Variants in TMEM132D observed in about 807,000 individuals in gnomAD.
TMEM132D encodes mature OL transmembrane protein.
Under a neutral mutation model 62.3 loss-of-function variants are expected in TMEM132D, and 21 were observed. That is an observed-to-expected ratio of 0.34 (90% CI 0.24 to 0.49). TMEM132D has a LOEUF of 0.49. Ranked by LOEUF, TMEM132D falls within the 20% of genes least tolerant of loss-of-function variation. The pLI, the probability that TMEM132D is intolerant of heterozygous loss-of-function variation, is 0.99. For synonymous variants in TMEM132D, 621 were observed against 575.6 expected (o/e 1.08, Z -1.13); for missense variants, 1,346 against 1,402.8 (o/e 0.96, Z 0.65).
rs558597625 is a variant in TMEM132D, at chr12:129,474,304, G to A, written c.1115+56755C>T. ...ATATTTATCAATTTATTGAGTGCTT[G>A]CTCTGGGCCATGTACAATGGCACCC... On this transcript the variant is annotated intron_variant, in intron 3 of 8. Transcript: ENST00000422113. Among the ~76,000 whole-genome samples the A allele has an allele frequency of 1.4e-4, 22 of 152,294 alleles. No homozygotes were observed. In the South Asian group the frequency reaches 4.4e-3, roughly 30 times the overall value.
At chr12:129,275,654 G>A (rs1880983762) in intron 4 of TMEM132D, among the ~76,000 whole-genome samples, 1 of 152,228 alleles carries the variant, frequency 6.6e-6, no homozygotes, top group Non-Finnish European at 1.5e-5. Context: ...AGGGCCGCCT[G>A]CATTCCATGT....
At chr12:129,753,984 G>A (rs1870082722) in intron 1 of TMEM132D, among the ~76,000 whole-genome samples, 1 of 152,164 alleles carries the variant, frequency 6.6e-6, no homozygotes, top group South Asian at 2.1e-4. Flanking sequence ...GCATAGGTGT[G>A]AAGAATAAAC....
intron 3 of TMEM132D, among the ~76,000 whole-genome samples, chr12:129,474,686 G>A (rs1281670784): frequency 6.6e-6 from 1 of 152,158 alleles, no homozygotes; most frequent in Non-Finnish European, 1.5e-5. Context: ...TAACTTATAG[G>A]CTACAGCGTG....
At chr12:129,598,047 A>AAACAAC (rs567539460) in intron 2 of TMEM132D, among the ~76,000 whole-genome samples, 1 of 152,108 alleles carries the variant, frequency 6.6e-6, no homozygotes, top group Non-Finnish European at 1.5e-5. Context: ...ATACTTGCAA[A>AAACAAC]AACAACAACA....
rs79787053 is a variant in TMEM132D, at chr12:129,453,744, T to C, written c.1115+77315A>G. ...TGTTTGCTCCCTAACAGTTTTAGAG[T>C]TGATTCTCATTGTCTCTCCTTGACT... On this transcript the variant is annotated intron_variant, in intron 3 of 8. Coordinates refer to ENST00000422113, the MANE Select transcript of TMEM132D (RefSeq NM_133448.3). Among the ~76,000 whole-genome samples, 3,358 of 152,216 alleles carry C rather than the reference T, an allele frequency of 0.022. 304 individuals are homozygous for C. The East Asian group carries it at 0.3, about 13-fold the overall frequency.
chr12:129,108,646 T>C (rs911938344), intron 5 of TMEM132D, among the ~76,000 whole-genome samples: 1 of 152,150 alleles, frequency 6.6e-6, no homozygotes, highest in African/African-American at 2.4e-5. Flanking sequence ...GGGGAAGCAC[T>C]CCCTGGCTCT....
intron 5 of TMEM132D, among the ~76,000 whole-genome samples, chr12:129,087,920 C>CGGGATGTCCTCCA (rs1593255423): frequency 1.2e-4 from 3 of 25,746 alleles, no homozygotes; most frequent in African/African-American, 3.7e-4. Flanking sequence ...GGTGTCCTCC[C>CGGGATGTCCTCCA]TGACCGGGTG....
intron 2 of TMEM132D, among the ~76,000 whole-genome samples, chr12:129,566,018 C>T (rs572038049): frequency 6.6e-5 from 10 of 152,264 alleles, no homozygotes; most frequent in East Asian, 3.9e-4. Context: ...AGCACTATAC[C>T]GCACACTGAA....
chr12:129,492,996 T>C (rs2137061574), intron 3 of TMEM132D, among the ~76,000 whole-genome samples: 1 of 152,228 alleles, frequency 6.6e-6, no homozygotes, highest in Non-Finnish European at 1.5e-5. Flanking sequence ...CTCCTGAGAA[T>C]AATTAAGCTG....
In TMEM132D at chr12:129,882,885, C is replaced by T. The variant is rs193115168; in HGVS notation, c.79+20376G>A. On this transcript the variant is annotated intron_variant, in intron 1 of 8. Coordinates refer to ENST00000422113, the MANE Select transcript of TMEM132D (RefSeq NM_133448.3). ...ACAGAGCAGAACTTCTTCATTTTCACAAAAAGCATCTAAAAGAAACCTACA... is the reference window on the plus strand; with the variant it reads ...ACAGAGCAGAACTTCTTCATTTTCATAAAAAGCATCTAAAAGAAACCTACA... Among the ~76,000 whole-genome samples, 291 of 152,244 alleles carry T rather than the reference C, an allele frequency of 1.9e-3. 5 individuals are homozygous for T. Among genetic ancestry groups the T allele is most frequent in the Non-Finnish European group, 1.2e-3 (79 of 68,012 alleles).
intron 2 of TMEM132D, among the ~76,000 whole-genome samples, chr12:129,628,018 T>A (rs1213988339): frequency 6.6e-6 from 1 of 152,180 alleles, no homozygotes; most frequent in Admixed American, 6.5e-5. Flanking sequence ...ACACAAAAGA[T>A]TTCCGATAAG....
intron 3 of TMEM132D, among the ~76,000 whole-genome samples, chr12:129,499,788 C>G (rs183436372): frequency 9.8e-5 from 15 of 152,298 alleles, no homozygotes; most frequent in African/African-American, 3.6e-4. Context: ...CCGTATGAGG[C>G]AGAGTCATGG....
intron 1 of TMEM132D, among the ~76,000 whole-genome samples, chr12:129,771,765 G>C (rs1364601390): frequency 6.6e-6 from 1 of 152,164 alleles, no homozygotes; most frequent in Non-Finnish European, 1.5e-5. Flanking sequence ...ATACAGTGTG[G>C]GGTTCTCTGA....
At chr12:129,264,610 T>G (rs1880638429) in intron 4 of TMEM132D, among the ~76,000 whole-genome samples, 1 of 152,192 alleles carries the variant, frequency 6.6e-6, no homozygotes, top group Non-Finnish European at 1.5e-5. Flanking sequence ...AAAATGATAC[T>G]TGTACATGAA....
At chr12:129,149,055 G>A (rs889001537) in intron 5 of TMEM132D, among the ~76,000 whole-genome samples, 4 of 151,820 alleles carry the variant, frequency 2.6e-5, no homozygotes, top group Non-Finnish European at 1.5e-5. Context: ...CCATAAGAAA[G>A]AATGAGTTCA....
chr12:129,679,505 G>C (rs1880727901), intron 2 of TMEM132D, among the ~76,000 whole-genome samples: 1 of 152,024 alleles, frequency 6.6e-6, no homozygotes. Flanking sequence ...AGGTCAGAAT[G>C]TATTCCTATA....
chr12:129,815,905 C>T (rs1872329619), intron 1 of TMEM132D, among the ~76,000 whole-genome samples: 1 of 152,176 alleles, frequency 6.6e-6, no homozygotes, highest in Non-Finnish European at 1.5e-5. Context: ...TGAAGGAAGG[C>T]TTAGTTCTTC....
At chr12:129,166,959 T>G (rs1877580553) in intron 5 of TMEM132D, among the ~76,000 whole-genome samples, 1 of 151,746 alleles carries the variant, frequency 6.6e-6, no homozygotes, top group African/African-American at 2.4e-5. Flanking sequence ...AGGTCACGAG[T>G]TCGAGACCAA....
chr12:129,185,515 CTTT>C (rs1400318681), intron 5 of TMEM132D, among the ~76,000 whole-genome samples: 1 of 151,582 alleles, frequency 6.6e-6, no homozygotes, highest in East Asian at 1.9e-4. Context: ...ATGATTTGTT[CTTT>C]TATTTTTCAT....
Sources: gnomAD v4.1 joint callset for allele counts (sites outside exome capture counted in the v4.1 genomes callset) on GRCh38, gnomAD v4.1.1 for gene constraint, MANE v1.5 for transcripts, NCBI Gene and HGNC (gene_info 2026-07-23, HGNC 2026-07-21) for gene names.